Variants in JAKMIP2 observed in about 807,000 individuals in gnomAD.
The protein encoded by JAKMIP2 is janus kinase and microtubule-interacting protein 2.
In JAKMIP2, 25 loss-of-function variants were observed where a neutral mutation model predicts 115.0. The ratio of observed to expected loss-of-function variants is 0.22; its 90% CI spans 0.16 to 0.30. The LOEUF is 0.30. Among genes scored for constraint, JAKMIP2 ranks in the 10% least tolerant of loss-of-function variants. JAKMIP2 has a pLI of 1.00. For missense variants in JAKMIP2, 642 were observed against 957.6 expected (o/e 0.67, Z 4.35); for synonymous variants, 334 against 343.6 (o/e 0.97, Z 0.31).
chr5:147,621,062 T>G (rs909969555), intron 17 of JAKMIP2, among the ~76,000 whole-genome samples: 1 of 152,232 alleles, frequency 6.6e-6, no homozygotes, highest in South Asian at 2.1e-4. Context: ...TGTAAAAGTA[T>G]TATGATAATA....
chr5:147,739,544 C>A (rs1328825329), intron 1 of JAKMIP2, among the ~76,000 whole-genome samples: 5 of 152,090 alleles, frequency 3.3e-5, no homozygotes, highest in Non-Finnish European at 7.3e-5. Flanking sequence ...CACAGAAGAG[C>A]CTCTGAAGAG....
chr5:147,760,199 A>C (rs1266972982), intron 1 of JAKMIP2, among the ~76,000 whole-genome samples: 1 of 152,062 alleles, frequency 6.6e-6, no homozygotes, highest in Non-Finnish European at 1.5e-5. Context: ...ACATTAGTGG[A>C]AATGTTAAGT....
rs1479965335 is a variant in JAKMIP2 at position 147,664,094 on chromosome 5, T to G, written c.130-2649A>C. Among the ~76,000 whole-genome samples, 6 of 152,360 alleles carry G rather than the reference T, an allele frequency of 3.9e-5. No individual in the cohort carries two copies. The East Asian group carries it at 1.2e-3, about 29-fold the overall frequency. On this transcript the variant is annotated intron_variant, in intron 2 of 21. Coordinates refer to ENST00000616793, the MANE Select transcript of JAKMIP2 (RefSeq NM_001270941.2). The stretch of plus-strand genomic sequence containing the variant: ...TTCTAAACGATATTATTACAACTGA[T>G]TCTGTTTCTTTTTACTGTTTAAAAT...
intron 1 of JAKMIP2, among the ~76,000 whole-genome samples, chr5:147,776,782 G>T (rs1373180576): frequency 6.6e-6 from 1 of 151,950 alleles, no homozygotes; most frequent in Non-Finnish European, 1.5e-5. Flanking sequence ...ACAAAAATTT[G>T]CCAGGCACGG....
At chr5:147,763,261 C>T (rs770969192) in intron 1 of JAKMIP2, among the ~76,000 whole-genome samples, 3 of 152,100 alleles carry the variant, frequency 2.0e-5, no homozygotes. Context: ...TTTCTATATT[C>T]TAAATTACCC....
At chr5:147,685,479 T>C (rs1196820136) in intron 1 of JAKMIP2, among the ~76,000 whole-genome samples, 3 of 152,146 alleles carry the variant, frequency 2.0e-5, no homozygotes, top group East Asian at 1.9e-4. Context: ...TTGTGCAAAA[T>C]TGTAGGTGGT....
intron 1 of JAKMIP2, among the ~76,000 whole-genome samples, chr5:147,771,483 C>G (rs1042203298): frequency 4.6e-5 from 7 of 151,940 alleles, no homozygotes; most frequent in Admixed American, 1.3e-4. Context: ...ATATTTTAAC[C>G]TGGATTTAGT....
At chr5:147,640,889 AC>A in intron 8 of JAKMIP2, 66 bp from the exon 9 acceptor site, 1 of 1,429,850 alleles carries the variant, frequency 7.0e-7, no homozygotes, top group Non-Finnish European at 9.7e-7. Flanking sequence ...ACGTTAAAAT[AC>A]TGTCAACTGG....
intron 3 of JAKMIP2, among the ~76,000 whole-genome samples, chr5:147,652,943 C>T (rs779391818): frequency 2.6e-5 from 4 of 152,018 alleles, no homozygotes; most frequent in East Asian, 1.9e-4. Context: ...CACTTATGAG[C>T]GGGAACATGC....
chr5:147,594,562 G>A, intron 21 of JAKMIP2: 1 of 335,214 alleles, frequency 3.0e-6, no homozygotes, highest in South Asian at 2.3e-5. Flanking sequence ...TTAAACTCCT[G>A]GGCTCAAGTG....
At chr5:147,634,571 T>A (rs905318308) in intron 12 of JAKMIP2, among the ~76,000 whole-genome samples, 2 of 152,196 alleles carry the variant, frequency 1.3e-5, no homozygotes, top group African/African-American at 2.4e-5. Context: ...CTGGTTCTAG[T>A]GGTTAACGAA....
intron 1 of JAKMIP2, among the ~76,000 whole-genome samples, chr5:147,773,788 T>C (rs1041250511): frequency 2.0e-5 from 3 of 152,108 alleles, no homozygotes; most frequent in Admixed American, 6.6e-5. Flanking sequence ...ATTTCCCTTG[T>C]CGTAGGCTAA....
chr5:147,603,907 T>C (rs1276564987), intron 20 of JAKMIP2, among the ~76,000 whole-genome samples: 1 of 152,148 alleles, frequency 6.6e-6, no homozygotes, highest in African/African-American at 2.4e-5. Flanking sequence ...TTGATAGATT[T>C]TGTTTTCTCC....
chr5:147,709,930 T>C (rs1681929948), intron 1 of JAKMIP2, among the ~76,000 whole-genome samples: 1 of 152,222 alleles, frequency 6.6e-6, no homozygotes, highest in African/African-American at 2.4e-5. Context: ...AAGGTGCCAT[T>C]GTCCTCTGTA....
chr5:147,729,715 A>G (rs1379468798), intron 1 of JAKMIP2, among the ~76,000 whole-genome samples: 1 of 150,968 alleles, frequency 6.6e-6, no homozygotes, highest in Non-Finnish European at 1.5e-5. Flanking sequence ...CGGAGCTTGC[A>G]GTGAGCCGAG....
intron 21 of JAKMIP2, 60 bp from the exon 22 acceptor site, chr5:147,591,746 AAAAC>A: frequency 3.8e-6 from 4 of 1,064,622 alleles, no homozygotes; most frequent in Non-Finnish European, 5.6e-6. Flanking sequence ...TGAATCATAA[AAAAC>A]AAACTTTAAA....
intron 1 of JAKMIP2, among the ~76,000 whole-genome samples, chr5:147,717,180 GCTCTGTTCTGTTCCATTGATCTATAT>G (rs1753039167): frequency 2.6e-5 from 1 of 37,942 alleles, no homozygotes; most frequent in African/African-American, 1.1e-4. Context: ...ATTTCTGAGG[GCTCTGTTCTGTTCCATTGATCTATAT>G]CTCTGTTTTG....
At chr5:147,597,347 C>A (rs1451127730) in intron 21 of JAKMIP2, among the ~76,000 whole-genome samples, 1 of 151,846 alleles carries the variant, frequency 6.6e-6, no homozygotes, top group East Asian at 1.9e-4. Flanking sequence ...TATTATGTGC[C>A]TTTTAAAATT....
At chr5:147,741,973 T>C (rs1754155352) in intron 1 of JAKMIP2, among the ~76,000 whole-genome samples, 1 of 151,756 alleles carries the variant, frequency 6.6e-6, no homozygotes. Flanking sequence ...CACACACACA[T>C]GAACTCTATA....
Sources: allele counts gnomAD v4.1 joint callset (sites outside exome capture counted in the v4.1 genomes callset), GRCh38; gene constraint gnomAD v4.1.1; transcripts MANE v1.5; gene names NCBI Gene and HGNC (gene_info 2026-07-23, HGNC 2026-07-21).